Variants in FGF13 observed in about 807,000 individuals in gnomAD.
FGF13 encodes fibroblast growth factor 13.
A neutral mutation model predicts 19.5 loss-of-function variants in FGF13; 2 were observed. The observed-to-expected ratio is 0.10, with a 90% CI of 0.04 to 0.32. The LOEUF (loss-of-function observed/expected upper bound fraction) is 0.32. Ranked by LOEUF, FGF13 falls within the 10% of genes least tolerant of loss-of-function variation. FGF13 has a pLI of 1.00. For synonymous variants in FGF13, 72 were observed against 76.9 expected (o/e 0.94, Z 0.33); for missense variants, 113 against 192.7 (o/e 0.59, Z 2.45).
intron 1 of FGF13, among the ~76,000 whole-genome samples, chrX:138,888,910 T>C (rs2091463739): frequency 9.0e-6 from 1 of 111,713 alleles, no homozygotes; most frequent in African/African-American, 3.3e-5. Context: ...AAGAAGTCCT[T>C]AGTGCAATAT....
At chrX:138,983,339 C>T (rs1308415758) in intron 1 of FGF13, among the ~76,000 whole-genome samples, 1 of 103,749 alleles carries the variant, frequency 9.6e-6, no homozygotes, top group Non-Finnish European at 2.0e-5. Flanking sequence ...TCCAGTATTT[C>T]CAGCACCATT....
chrX:139,112,977 T>C (rs2052680909), intron 1 of FGF13, among the ~76,000 whole-genome samples: 1 of 74,740 alleles, frequency 1.3e-5, no homozygotes, highest in African/African-American at 9.6e-5. Flanking sequence ...ATGTAGTGTG[T>C]GTGTGTGTGT....
At chrX:138,784,275 C>G (rs1477434137) in intron 3 of FGF13, among the ~76,000 whole-genome samples, 1 of 100,953 alleles carries the variant, frequency 9.9e-6, no homozygotes, top group East Asian at 3.2e-4. Flanking sequence ...TGTAACTAAC[C>G]TGCACAATGT....
chrX:138,962,172 A>C (rs1569431254), intron 1 of FGF13, among the ~76,000 whole-genome samples: 3 of 112,367 alleles, frequency 2.7e-5, no homozygotes, highest in Non-Finnish European at 5.6e-5. Context: ...ACCCCATCAA[A>C]AAGTGGGCGA....
At chrX:138,670,821 T>G (rs1422905029) in intron 3 of FGF13, among the ~76,000 whole-genome samples, 2 of 112,103 alleles carry the variant, frequency 1.8e-5, no homozygotes, top group African/African-American at 6.5e-5. Flanking sequence ...ATATATCATT[T>G]CATTAATTCA....
intron 1 of FGF13, among the ~76,000 whole-genome samples, chrX:138,882,185 C>T (rs1253379961): frequency 1.8e-5 from 2 of 110,538 alleles, no homozygotes; most frequent in Non-Finnish European, 3.8e-5. Flanking sequence ...CCTGAATTTT[C>T]CAGGTTTCCT....
chrX:139,184,180 T>G (rs1376417771), intron 1 of FGF13, among the ~76,000 whole-genome samples: 1 of 112,408 alleles, frequency 8.9e-6, no homozygotes, highest in Admixed American at 9.4e-5. Flanking sequence ...GCTATCTGTA[T>G]GCATATACAG....
intron 3 of FGF13, among the ~76,000 whole-genome samples, chrX:138,691,488 A>C (rs971058054): frequency 9.0e-6 from 1 of 111,645 alleles, no homozygotes. Context: ...TATGACTTTC[A>C]TTTCCTGGTA....
chrX:138,865,902 T>C (rs1019061565), intron 1 of FGF13, among the ~76,000 whole-genome samples: 1 of 111,615 alleles, frequency 9.0e-6, no homozygotes, highest in Non-Finnish European at 1.9e-5. Flanking sequence ...TCTACTCTCA[T>C]CCCTCCTTAC....
At chrX:138,932,642 G>T (rs1017773340) in intron 1 of FGF13, among the ~76,000 whole-genome samples, 1 of 109,472 alleles carries the variant, frequency 9.1e-6, no homozygotes, top group Non-Finnish European at 1.9e-5. Context: ...CCCCTTCCCA[G>T]AACTAAACTG....
chrX:139,140,573 A>T (rs2083835351), intron 1 of FGF13, among the ~76,000 whole-genome samples: 1 of 111,154 alleles, frequency 9.0e-6, no homozygotes, highest in Non-Finnish European at 1.9e-5. Context: ...ATTCCATCTT[A>T]CCACCTTTAC....
In FGF13 at chrX:138,706,405, T is replaced by C. The variant is rs899169391; in HGVS notation, c.298+2413A>G. On this transcript the variant is annotated intron_variant, in intron 2 of 4. Transcript: ENST00000315930. ...GTAAGGTAAGGTGAAATGCATAATA[T>C]CAAACATATGTTTTCAGAAATGGAT... Among the ~76,000 whole-genome samples the C allele has an allele frequency of 3.5e-4, 39 of 112,313 alleles. 1 individual carries two copies. The Admixed American group carries it at 3.6e-3, about 10-fold the overall frequency.
chrX:139,041,206 T>A (rs995335996), intron 1 of FGF13, among the ~76,000 whole-genome samples: 3 of 109,920 alleles, frequency 2.7e-5, no homozygotes, highest in African/African-American at 1.0e-4. Flanking sequence ...ACCCCTGAAC[T>A]TAAAATAGAA....
chrX:139,058,018 T>A (rs1038518926), intron 1 of FGF13, among the ~76,000 whole-genome samples: 5 of 111,895 alleles, frequency 4.5e-5, no homozygotes, highest in African/African-American at 1.6e-4. Context: ...ATCTGTGCAC[T>A]TTTTTGTGTG....
At chrX:138,687,868 A>G (rs1232430794) in intron 3 of FGF13, among the ~76,000 whole-genome samples, 2 of 111,661 alleles carry the variant, frequency 1.8e-5, no homozygotes, top group Non-Finnish European at 3.8e-5. Context: ...ATGGAACTGG[A>G]GGTCATTATG....
At chrX:139,194,819 T>G in intron 1 of FGF13, among the ~76,000 whole-genome samples, 1 of 111,653 alleles carries the variant, frequency 9.0e-6, no homozygotes, top group Non-Finnish European at 1.9e-5. Context: ...GCGCAGTATC[T>G]TCCCCCGGAC....
chrX:139,190,759 A>G (rs1271070957), intron 1 of FGF13, among the ~76,000 whole-genome samples: 1 of 112,406 alleles, frequency 8.9e-6, no homozygotes, highest in African/African-American at 3.2e-5. Flanking sequence ...ATTTTGCCAC[A>G]GTAAACATAT....
chrX:139,165,737 G>A (rs2084079138), intron 1 of FGF13, among the ~76,000 whole-genome samples: 1 of 111,597 alleles, frequency 9.0e-6, no homozygotes, highest in South Asian at 3.7e-4. Context: ...GAAGTTACAA[G>A]CCATTAAGCT....
intron 1 of FGF13, among the ~76,000 whole-genome samples, chrX:138,955,946 A>G (rs887656817): frequency 4.5e-5 from 5 of 112,083 alleles, no homozygotes; most frequent in Admixed American, 1.9e-4. Flanking sequence ...AGAAAGAGAG[A>G]CCAGGAAAGA....
Sources: gnomAD v4.1 joint callset for allele counts (sites outside exome capture counted in the v4.1 genomes callset) on GRCh38, gnomAD v4.1.1 for gene constraint, MANE v1.5 for transcripts, NCBI Gene and HGNC (gene_info 2026-07-23, HGNC 2026-07-21) for gene names.